Variants in AARS2 observed in about 807,000 individuals in gnomAD.
AARS2 encodes alanine--tRNA ligase, mitochondrial.
In AARS2, 78 loss-of-function variants were observed where a neutral mutation model predicts 119.7. The ratio of observed to expected loss-of-function variants is 0.65; its 90% CI spans 0.54 to 0.79. The LOEUF is 0.79. Among genes scored for constraint, AARS2 ranks in the 30% least tolerant of loss-of-function variants. The pLI is 0.00. For synonymous variants in AARS2, 502 were observed against 526.3 expected (o/e 0.95, Z 0.63); for missense variants, 1,157 against 1,291.3 (o/e 0.90, Z 1.59).
chr6:44,308,890 C>G (rs887123263), intron 5 of AARS2, among the ~76,000 whole-genome samples: 2 of 152,180 alleles, frequency 1.3e-5, no homozygotes, highest in African/African-American at 2.4e-5. Flanking sequence ...GAGTGAGCCA[C>G]CGTGCCCAGC....
intron 4 of AARS2, 87 bp from the exon 5 acceptor site, chr6:44,310,530 G>T: frequency 6.4e-7 from 1 of 1,555,498 alleles, no homozygotes; most frequent in Non-Finnish European, 8.8e-7. Context: ...AAATGGGGGG[G>T]GGCCCAAGGG....
At position 44,307,406 on chromosome 6, in the gene AARS2, AAG is replaced by A. The variant is rs755390228; in HGVS notation, c.895-14_895-13del. 3.8e-6 allele frequency: 6 copies of A among 1,594,898 alleles called. No individual in the cohort carries two copies. The Admixed American group carries it at 8.9e-5, about 24-fold the overall frequency. On this transcript the variant is annotated splice_polypyrimidine_tract_variant and intron_variant, in intron 5 of 21. Transcript: ENST00000244571. The surrounding 1 kb of genome is among the most constrained non-coding windows in gnomAD (Gnocchi z 4.4). ...GGTGCCCTGCAGCCCTGGGAAGCAGAAGAGTCAGCCAGTGGCCCTGCCTGACC... is the reference window on the plus strand; with the variant it reads ...GGTGCCCTGCAGCCCTGGGAAGCAGAAGTCAGCCAGTGGCCCTGCCTGACC...
Position 44,307,137 on chromosome 6 carries a change from CCT to C in AARS2, c.1041-108_1041-107del, listed in dbSNP as rs760916565. ...TGTGTGCTCCCACCTCAAAGCTCTC[CCT>C]CTCCCCATTCCTCCTACTGGCTCAA... On this transcript the variant is annotated intron_variant, in intron 6 of 21. Coordinates refer to ENST00000244571, the MANE Select transcript of AARS2 (RefSeq NM_020745.4). The surrounding 1 kb of genome is among the most constrained non-coding windows in gnomAD (Gnocchi z 4.4). The C allele has an allele frequency of 8.0e-5, 128 of 1,590,506 alleles. No individual in the cohort carries two copies. The highest frequency in any genetic ancestry group is 1.0e-4 in the Non-Finnish European group (119 of 1,164,538).
intron 3 of AARS2, 43 bp from the exon 4 acceptor site, chr6:44,311,204 A>G (rs1329247888): frequency 6.2e-7 from 1 of 1,612,900 alleles, no homozygotes; most frequent in Admixed American, 1.7e-5. Flanking sequence ...AGACAGACCC[A>G]GAAGCTGGGA....
In AARS2 at chr6:44,311,674, A is replaced by G. The variant is rs1196868986; in HGVS notation, c.436-139T>C. ...TGCCATCTTGTTCCCAGAATAAGCC[A>G]TGAACCATTACTGCCTCTGAGTGTT... is the stretch of plus-strand genomic sequence containing the variant. On this transcript the variant is annotated intron_variant, in intron 2 of 21. Coordinates refer to ENST00000244571, the MANE Select transcript of AARS2 (RefSeq NM_020745.4). 5.5e-6 allele frequency: 6 copies of G among 1,092,322 alleles called. No homozygotes were observed. The South Asian group carries it at 7.1e-5, about 13-fold the overall frequency. 67.7% of individuals were successfully genotyped at this position (1,092,322 alleles called of 1,614,324 possible).
rs1197737949 is a variant in AARS2, at chr6:44,307,047, G to A, written c.1041-16C>T. ...AAGAACCAGCCTAAAGGGGTTCAGAGCCCAGACATGAATCCCCAGCGGCTC... is the reference window on the plus strand; with the variant it reads ...AAGAACCAGCCTAAAGGGGTTCAGAACCCAGACATGAATCCCCAGCGGCTC... On this transcript the variant is annotated splice_polypyrimidine_tract_variant and intron_variant, in intron 6 of 21. Coordinates refer to ENST00000244571, the MANE Select transcript of AARS2 (RefSeq NM_020745.4). The surrounding 1 kb of genome is among the most constrained non-coding windows in gnomAD (Gnocchi z 4.4). 3 of 1,613,280 alleles carry A rather than the reference G, an allele frequency of 1.9e-6. No individual in the cohort carries two copies. The highest frequency in any genetic ancestry group is 2.5e-6 in the Non-Finnish European group (3 of 1,179,282).
At position 44,305,047 on chromosome 6, in the gene AARS2, C is replaced by T; in HGVS notation, c.1579+7G>A. 1 of 1,614,120 alleles carries T rather than the reference C, an allele frequency of 6.2e-7. No individual in the cohort carries two copies. On this transcript the variant is annotated splice_region_variant and intron_variant, in intron 11 of 21. Coordinates refer to ENST00000244571, the MANE Select transcript of AARS2 (RefSeq NM_020745.4). The surrounding 1 kb of genome is among the most constrained non-coding windows in gnomAD (Gnocchi z 4.6). ...TTGTGGCGGCAGGCCTTGGTCCAGG[C>T]TCTCACCATAACTTCCGCTGGGTCG...
chr6:44,302,817 C>T lies in AARS2; in HGVS notation c.2349G>A (p.Gly783=), dbSNP rs1326219447. The change falls in exon 17 of 22, where the codon GGG becomes GGA. Residue 783 remains glycine, a synonymous_variant. Coordinates refer to ENST00000244571, the MANE Select transcript of AARS2 (RefSeq NM_020745.4). ...GCATGCTGACCTGCTGGGCCTGCTC[C>T]CCAGTGACGGCCAGCAGGCGGGTAG... ...KGTTRLLAVT[G]EQAQQARELG... 3.1e-6 allele frequency: 5 copies of T among 1,613,748 alleles called. No individual in the cohort carries two copies. Among genetic ancestry groups the T allele is most frequent in the Non-Finnish European group, 3.4e-6 (4 of 1,179,918 alleles).
Position 44,298,865 on chromosome 6 carries a change from C to CT in AARS2, c.*1681dup, listed in dbSNP as rs1447007967. Among the ~76,000 whole-genome samples, 1 of 151,176 alleles carries CT rather than the reference C, an allele frequency of 6.6e-6. No individual in the cohort carries two copies. The highest frequency in any genetic ancestry group is 6.6e-5 in the Admixed American group (1 of 15,078). ...AGGCAGAGGTCCAAAGTCTGGCTGT[C>CT]TGAGGTGGACTCATTCTGGTAGGGA... On this transcript the variant is annotated 3_prime_UTR_variant, in exon 22 of 22. Coordinates refer to ENST00000244571, the MANE Select transcript of AARS2 (RefSeq NM_020745.4).
Position 44,300,157 on chromosome 6 carries a change from T to G in AARS2, c.*390A>C. The G allele has an allele frequency of 3.9e-6, 1 of 259,172 alleles. No homozygotes were observed. Among genetic ancestry groups the G allele is most frequent in the Non-Finnish European group, 7.7e-6 (1 of 130,622 alleles). 16.1% of individuals were successfully genotyped at this position (259,172 alleles called of 1,614,324 possible). A position where few individuals can be genotyped will look rare whatever the true frequency, so the allele number is the denominator to read the frequency against. Reference sequence around the variant, plus strand: ...ACCACACCCGGCTAATTTTTTGTATTTTTAGTAGAGATGGGGTTTCACCAT... The same window carrying G: ...ACCACACCCGGCTAATTTTTTGTATGTTTAGTAGAGATGGGGTTTCACCAT... On this transcript the variant is annotated 3_prime_UTR_variant, in exon 22 of 22. Coordinates refer to ENST00000244571, the MANE Select transcript of AARS2 (RefSeq NM_020745.4).
chr6:44,310,579 C>T lies in AARS2; in HGVS notation c.750-136G>A. 5 of 1,141,022 alleles carry T rather than the reference C, an allele frequency of 4.4e-6. No homozygotes were observed. In the South Asian group the frequency reaches 6.9e-5, roughly 16 times the overall value. The allele number at this position is 1,141,022 out of a possible 1,614,324, so 70.7% of individuals were successfully genotyped here. A position where few individuals can be genotyped will look rare whatever the true frequency, so the allele number is the denominator to read the frequency against. On this transcript the variant is annotated intron_variant, in intron 4 of 21. Transcript: ENST00000244571. The stretch of plus-strand genomic sequence containing the variant: ...AGGAACCAGACAATCAGTATCTTCC[C>T]CTGCCACCCTGCAATAGCAGATGAT...
rs779626833 is a variant in AARS2, at chr6:44,305,054, C to T, written c.1579G>A (p.Glu527Lys). 1.2e-6 allele frequency: 2 copies of T among 1,614,082 alleles called. No homozygotes were observed. The highest frequency in any genetic ancestry group is 2.2e-5 in the East Asian group (1 of 44,882). Residue 527 changes from glutamate to lysine, a missense_variant and splice_region_variant, in exon 11 of 22, where the codon GAG becomes AAG. Physicochemically the swap from Glu to Lys is moderately conservative, Grantham distance 56. Coordinates refer to ENST00000244571, the MANE Select transcript of AARS2 (RefSeq NM_020745.4). This position sits in a 1 kb window ranked among gnomAD's most constrained non-coding sequence, Gnocchi z 4.6. ...NYSLRPSGSY[E>K]FGTCEAQVLQ... ...GGCAGGCCTTGGTCCAGGCTCTCAC[C>T]ATAACTTCCGCTGGGTCGCAGGGAG...
At chr6:44,302,705 G>T in intron 17 of AARS2, 97 bp downstream of exon 17, 1 of 1,455,854 alleles carries the variant, frequency 6.9e-7, no homozygotes. Context: ...ATGAACACTG[G>T]CTCTGCTGCT....
rs1785521701 is a variant in AARS2, at chr6:44,303,281, C to T, written c.2145+5G>A. On this transcript the variant is annotated splice_donor_5th_base_variant and intron_variant, in intron 15 of 21. Coordinates refer to ENST00000244571, the MANE Select transcript of AARS2 (RefSeq NM_020745.4). Reference sequence around the variant, plus strand: ...ATCTCCAGCAAAAGGGCTTCCCCAACTCACCTCATCCAGAGAGCGCAGGCC... The same window carrying T: ...ATCTCCAGCAAAAGGGCTTCCCCAATTCACCTCATCCAGAGAGCGCAGGCC... 6.2e-7 allele frequency: 1 copy of T among 1,614,168 alleles called. No individual in the cohort carries two copies. Among genetic ancestry groups the T allele is most frequent in the South Asian group, 1.1e-5 (1 of 91,090 alleles).
intron 17 of AARS2, 95 bp downstream of exon 17, chr6:44,302,707 T>A (rs1052645410): frequency 1.4e-6 from 2 of 1,465,136 alleles, no homozygotes; most frequent in Non-Finnish European, 1.9e-6. Flanking sequence ...GAACACTGGC[T>A]CTGCTGCTGG....
Position 44,311,157 on chromosome 6 carries a change from GC to G in AARS2, c.585del (p.Pro196LeufsTer43), listed in dbSNP as rs1786316110. 1.9e-6 allele frequency: 3 copies of G among 1,614,124 alleles called. No homozygotes were observed. Among genetic ancestry groups the G allele is most frequent in the Non-Finnish European group, 2.5e-6 (3 of 1,180,044 alleles). On this transcript the variant is annotated frameshift_variant, in exon 4 of 22. Coordinates refer to ENST00000244571, the MANE Select transcript of AARS2 (RefSeq NM_020745.4). LOFTEE classifies it high-confidence loss of function. ...CCAAAGGAAAGCACACGGCTAGCAG[GC>G]ACCCTGGGGAGAAAAGCAGGTGAGT... is the stretch of plus-strand genomic sequence containing the variant. Reference protein sequence around the residue: ...ETRDIWLSLGVPASRVLSFGP... With the variant: ...ETRDIWLSLGXPASRVLSFGP...
intron 21 of AARS2, 110 bp from the exon 22 acceptor site, chr6:44,300,821 C>CA: frequency 7.3e-7 from 1 of 1,378,870 alleles, no homozygotes; most frequent in Non-Finnish European, 1.0e-6. Context: ...CCCTTCCCAG[C>CA]TGGGCACATG....
chr6:44,307,304 G>A lies in AARS2; in HGVS notation c.985C>T (p.Arg329Cys), dbSNP rs200187887. The A allele has an allele frequency of 1.4e-5, 23 of 1,613,796 alleles. No homozygotes were observed. Among genetic ancestry groups the A allele is most frequent in the African/African-American group, 2.7e-5 (2 of 74,910 alleles). ...TAYRVVADHI[R>C]TLSVCISDGI... The stretch of plus-strand genomic sequence containing the variant: ...TCAGAGATGCAGACACTGAGTGTGC[G>A]GATGTGGTCAGCCACCACGCGGTAC... Residue 329 changes from arginine (R) to cysteine (C), a missense_variant, in exon 6 of 22, where the codon CGC becomes TGC. Coordinates refer to ENST00000244571, the MANE Select transcript of AARS2 (RefSeq NM_020745.4). This position sits in a 1 kb window ranked among gnomAD's most constrained non-coding sequence, Gnocchi z 4.4.
Position 44,301,467 on chromosome 6 carries a change from A to G in AARS2, c.2599-3T>C, listed in dbSNP as rs1305503128. 1 of 1,612,344 alleles carries G rather than the reference A, an allele frequency of 6.2e-7. No homozygotes were observed. Among genetic ancestry groups the G allele is most frequent in the Non-Finnish European group, 8.5e-7 (1 of 1,179,538 alleles). On this transcript the variant is annotated splice_polypyrimidine_tract_variant and splice_region_variant and intron_variant, in intron 19 of 21. Transcript: ENST00000244571. ...AGCTCCTGAGTTTTCTTTGCAGCCT[A>G]TGGGGCAGGAAGGACAAGCAGAGGG...
Sources: gnomAD v4.1 joint callset for allele counts (sites outside exome capture counted in the v4.1 genomes callset) on GRCh38, gnomAD v4.1.1 for gene constraint, Gnocchi (gnomAD v3.1) non-coding constraint, MANE v1.5 for transcripts, NCBI Gene and HGNC (gene_info 2026-07-23, HGNC 2026-07-21) for gene names.